Variants in MIA3 observed in about 807,000 individuals in gnomAD.
The protein encoded by MIA3 is transport and Golgi organization protein 1 homolog.
MIA3 carries 90 observed loss-of-function variants against 192.4 expected under a neutral mutation model. The observed-to-expected ratio is 0.47, with a 90% CI of 0.39 to 0.56. The LOEUF is 0.56. Among genes scored for constraint, MIA3 ranks in the 20% least tolerant of loss-of-function variants. The pLI, the probability that MIA3 is intolerant of heterozygous loss-of-function variation, is 0.00. For synonymous variants in MIA3, 740 were observed against 792.8 expected, an observed-to-expected ratio of 0.93 and a Z score of 1.12; for missense variants, 2,123 against 2,269.4, an observed-to-expected ratio of 0.94 and a Z score of 1.31.
chr1:222,655,845 G>A (rs1663688511), intron 18 of MIA3, among the ~76,000 whole-genome samples: 1 of 151,464 alleles, frequency 6.6e-6, no homozygotes, highest in Non-Finnish European at 1.5e-5. Context: ...AATTCATTCA[G>A]TCTCCATGTG....
In MIA3 at chr1:222,644,200, T is replaced by A; in HGVS notation, c.3478-1354T>A. On this transcript the variant is annotated intron_variant, in intron 6 of 27. Coordinates refer to ENST00000344922, the MANE Select transcript of MIA3 (RefSeq NM_198551.4). ...ATTCTTCCGCTCTAGCCCTATTCGC[T>A]CTTCTCTCCCGTCCCCTCGATAGTT... The A allele has an allele frequency of 3.1e-6, 3 of 959,482 alleles. No homozygotes were observed. The South Asian group carries it at 5.5e-5, about 18-fold the overall frequency. 59.4% of individuals were successfully genotyped at this position (959,482 alleles called of 1,614,324 possible).
At chr1:222,659,370 T>G in intron 19 of MIA3, 83 bp from the exon 20 acceptor site, 1 of 1,233,040 alleles carries the variant, frequency 8.1e-7, no homozygotes, top group Non-Finnish European at 1.2e-6. Context: ...GGTACAGTTG[T>G]TAGGGTAACG....
chr1:222,621,684 T>C (rs1361439067), intron 2 of MIA3, among the ~76,000 whole-genome samples: 1 of 152,250 alleles, frequency 6.6e-6, no homozygotes, highest in African/African-American at 2.4e-5. Flanking sequence ...TGATTTTATG[T>C]GTATTTCTTT....
chr1:222,634,905 A>C (rs1336335164), intron 6 of MIA3, among the ~76,000 whole-genome samples: 2 of 152,268 alleles, frequency 1.3e-5, no homozygotes. Context: ...TGAAAAATTT[A>C]GATAATACAT....
At position 222,628,730 on chromosome 1, in the gene MIA3, C is replaced by T. The variant is rs777484015; in HGVS notation, c.1510C>T (p.Leu504Phe). 6 of 1,614,090 alleles carry T rather than the reference C, an allele frequency of 3.7e-6. No individual in the cohort carries two copies. In the Admixed American group the frequency reaches 5.0e-5, roughly 13 times the overall value. ...TVHSSVHSNNLNSMPAAEKGK... is the reference protein window; with the variant it reads ...TVHSSVHSNNFNSMPAAEKGK... Reference sequence around the variant, plus strand: ...GCACAGTTCTGTTCACAGCAATAACCTCAACTCTATGCCAGCTGCTGAAAA... The same window carrying T: ...GCACAGTTCTGTTCACAGCAATAACTTCAACTCTATGCCAGCTGCTGAAAA... The change falls in exon 4 of 28, where the codon CTC becomes TTC. Residue 504 changes from leucine to phenylalanine, a missense_variant. By Grantham distance (22) the Leu-to-Phe change is conservative (BLOSUM62 0). Transcript: ENST00000344922.
At chr1:222,644,137 G>A (rs1294282894) in intron 6 of MIA3, among the ~76,000 whole-genome samples, 5 of 152,196 alleles carry the variant, frequency 3.3e-5, no homozygotes, top group African/African-American at 7.2e-5. Context: ...GCCGGTTCCT[G>A]GCGAAAGCGC....
chr1:222,648,027 A>C (rs1663237612), intron 7 of MIA3: 1 of 249,778 alleles, frequency 4.0e-6, no homozygotes, highest in Non-Finnish European at 8.6e-6. Context: ...ATAACATTTG[A>C]AAGGGAAAAT....
chr1:222,621,118 C>T, intron 1 of MIA3, 41 bp from the exon 2 acceptor site: 1 of 1,543,636 alleles, frequency 6.5e-7, no homozygotes, highest in Non-Finnish European at 8.8e-7. Flanking sequence ...AACACTGAAT[C>T]CTGATATCTG....
At chr1:222,641,030 C>A (rs911071593) in intron 6 of MIA3, among the ~76,000 whole-genome samples, 1 of 152,180 alleles carries the variant, frequency 6.6e-6, no homozygotes, top group Admixed American at 6.5e-5. Context: ...TACACACTTA[C>A]TATAATGGCT....
intron 6 of MIA3, among the ~76,000 whole-genome samples, chr1:222,643,361 T>C (rs1167517929): frequency 6.6e-6 from 1 of 152,214 alleles, no homozygotes; most frequent in East Asian, 1.9e-4. Flanking sequence ...TTTTTTATTC[T>C]GCCCCGTGGT....
intron 3 of MIA3, among the ~76,000 whole-genome samples, chr1:222,625,908 T>C (rs1472466638): frequency 6.6e-6 from 1 of 152,166 alleles, no homozygotes; most frequent in Non-Finnish European, 1.5e-5. Context: ...AGCCAATTTT[T>C]TTGTGTTTTT....
intron 2 of MIA3, 86 bp downstream of exon 2, chr1:222,621,378 G>C (rs1465614421): frequency 7.6e-7 from 1 of 1,315,282 alleles, no homozygotes; most frequent in East Asian, 2.3e-5. Context: ...ATTTTCTTGG[G>C]ACCTTTGATG....
At chr1:222,634,820 T>G (rs997661794) in intron 6 of MIA3, among the ~76,000 whole-genome samples, 60 of 152,246 alleles carry the variant, frequency 3.9e-4, no homozygotes, top group African/African-American at 1.4e-3. Context: ...CCAAGATGAT[T>G]TTATTTCAAA....
chr1:222,653,453 T>A (rs569119804), intron 15 of MIA3, 114 bp downstream of exon 15: 7 of 665,696 alleles, frequency 1.1e-5, no homozygotes, highest in Middle Eastern at 2.8e-4. Flanking sequence ...GTAAATACAT[T>A]GGATTTGAAT....
At chr1:222,622,894 T>G (rs1661938535) in intron 2 of MIA3, among the ~76,000 whole-genome samples, 1 of 152,220 alleles carries the variant, frequency 6.6e-6, no homozygotes, top group African/African-American at 2.4e-5. Context: ...AACGCTGCCT[T>G]CAGCACCCAG....
intron 7 of MIA3, among the ~76,000 whole-genome samples, chr1:222,647,652 TA>T (rs1558188301): frequency 6.6e-6 from 1 of 152,186 alleles, no homozygotes; most frequent in East Asian, 1.9e-4. Context: ...TATTTGTTAA[TA>T]AAAAAATTCT....
At chr1:222,640,211 T>G (rs893915048) in intron 6 of MIA3, among the ~76,000 whole-genome samples, 1 of 152,152 alleles carries the variant, frequency 6.6e-6, no homozygotes, top group African/African-American at 2.4e-5. Flanking sequence ...GATGGAGAGA[T>G]AGACCTTGTT....
At chr1:222,656,542 T>C (rs1260378582) in intron 18 of MIA3, among the ~76,000 whole-genome samples, 2 of 152,180 alleles carry the variant, frequency 1.3e-5, no homozygotes, top group African/African-American at 2.4e-5. Flanking sequence ...TCAGCAGTTT[T>C]CTTGGGAGGT....
intron 1 of MIA3, 99 bp downstream of exon 1, chr1:222,618,342 G>A (rs1661702188): frequency 8.6e-7 from 1 of 1,169,502 alleles, no homozygotes; most frequent in Non-Finnish European, 1.1e-6. Flanking sequence ...GGCTGTGCGG[G>A]GACGGGAGTT....
Sources: allele counts gnomAD v4.1 joint callset (sites outside exome capture counted in the v4.1 genomes callset), GRCh38; gene constraint gnomAD v4.1.1; transcripts MANE v1.5; gene names NCBI Gene and HGNC (gene_info 2026-07-23, HGNC 2026-07-21).